The following GSTCD variants were observed in gnomAD, a reference collection of about 807,000 sequenced individuals.
GSTCD encodes glutathione S-transferase C-terminal domain containing.
Under a neutral mutation model 68.3 loss-of-function variants are expected in GSTCD, and 44 were observed. That is an observed-to-expected ratio of 0.64 (90% CI 0.51 to 0.83). The LOEUF (loss-of-function observed/expected upper bound fraction) is 0.83, where lower values mean the gene tolerates loss of function less well. Ranked by LOEUF, GSTCD falls within the 40% of genes least tolerant of loss-of-function variation. The probability of loss-of-function intolerance (pLI) is 0.00; values close to 1 mark genes in which losing one functional copy is unlikely to be tolerated. For synonymous variants in GSTCD, 273 were observed against 255.2 expected (o/e 1.07, Z -0.67); for missense variants, 739 against 735.9 (o/e 1.00, Z -0.05).
intron 5 of GSTCD, among the ~76,000 whole-genome samples, chr4:105,770,804 G>A (rs895550343): frequency 6.6e-6 from 1 of 152,066 alleles, no homozygotes; most frequent in African/African-American, 2.4e-5. Flanking sequence ...CCAAGTCTGT[G>A]GTATTGTGAA....
intron 5 of GSTCD, among the ~76,000 whole-genome samples, chr4:105,794,479 A>G (rs768890430): frequency 2.0e-5 from 3 of 152,032 alleles, no homozygotes; most frequent in Admixed American, 6.5e-5. Flanking sequence ...TGATGCTGAC[A>G]ATGAGAAAGG....
intron 5 of GSTCD, among the ~76,000 whole-genome samples, chr4:105,758,129 G>A (rs1734261853): frequency 6.6e-6 from 1 of 152,128 alleles, no homozygotes; most frequent in Admixed American, 6.5e-5. Flanking sequence ...GATTTTTAAT[G>A]GTTCCATAAT....
intron 5 of GSTCD, among the ~76,000 whole-genome samples, chr4:105,799,278 G>T (rs1736016083): frequency 6.6e-6 from 1 of 152,104 alleles, no homozygotes; most frequent in East Asian, 1.9e-4. Context: ...GAGGCATTTT[G>T]CTTTCTTATC....
intron 9 of GSTCD, 130 bp downstream of exon 9, chr4:105,834,724 T>G (rs1724042550): frequency 8.2e-6 from 6 of 730,598 alleles, no homozygotes; most frequent in Non-Finnish European, 1.3e-5. Flanking sequence ...AAATATTGTT[T>G]GTAAATTGTA....
intron 8 of GSTCD, among the ~76,000 whole-genome samples, chr4:105,834,234 A>AT (rs1250937683): frequency 1.6e-3 from 245 of 152,348 alleles, no homozygotes; most frequent in African/African-American, 5.7e-3. Context: ...CACTTGTGTT[A>AT]ATTTTTCCAC....
chr4:105,737,435 G>A (rs550986283), intron 5 of GSTCD, among the ~76,000 whole-genome samples: 9 of 152,096 alleles, frequency 5.9e-5, no homozygotes, highest in Non-Finnish European at 1.2e-4. Context: ...TGCTGGTTGT[G>A]TCTTCACTTT....
chr4:105,756,601 T>A (rs201565850), intron 5 of GSTCD, among the ~76,000 whole-genome samples: 20 of 136,152 alleles, frequency 1.5e-4, no homozygotes, highest in Non-Finnish European at 2.6e-4. Context: ...TATATATATA[T>A]AATATGTCTT....
At chr4:105,845,361 C>T in intron 11 of GSTCD, 80 bp from the exon 12 acceptor site, 2 of 1,523,116 alleles carry the variant, frequency 1.3e-6, no homozygotes, top group Non-Finnish European at 1.8e-6. Flanking sequence ...GATTTTGTCA[C>T]TATATAGATT....
At chr4:105,789,811 A>G (rs1482237789) in intron 5 of GSTCD, among the ~76,000 whole-genome samples, 1 of 151,938 alleles carries the variant, frequency 6.6e-6, no homozygotes, top group Non-Finnish European at 1.5e-5. Context: ...TGCCTACCAC[A>G]GAGACCCGAA....
At chr4:105,812,149 G>A (rs1006182957) in intron 5 of GSTCD, among the ~76,000 whole-genome samples, 11 of 152,070 alleles carry the variant, frequency 7.2e-5, no homozygotes, top group Admixed American at 3.3e-4. Flanking sequence ...TAAATGTTAC[G>A]CATCCCACCT....
At chr4:105,772,284 T>C (rs554867180) in intron 5 of GSTCD, among the ~76,000 whole-genome samples, 4 of 152,320 alleles carry the variant, frequency 2.6e-5, no homozygotes, top group Admixed American at 6.5e-5. Flanking sequence ...GTTTTCTAAA[T>C]AAACAGTCAT....
chr4:105,710,405 T>C (rs1482235276), intron 1 of GSTCD, among the ~76,000 whole-genome samples: 1 of 149,216 alleles, frequency 6.7e-6, no homozygotes, highest in African/African-American at 2.5e-5. Flanking sequence ...TTTTTTTTTT[T>C]TTCAGTCGAG....
chr4:105,814,606 T>C lies in GSTCD; in HGVS notation c.1241-8348T>C, dbSNP rs546168683. Among the ~76,000 whole-genome samples the C allele has an allele frequency of 3.0e-3, 451 of 151,772 alleles. 2 individuals carry two copies. The highest frequency in any genetic ancestry group is 0.01 in the Middle Eastern group (3 of 292). Reference sequence around the variant, plus strand: ...CAGCCTGGTTGACAGAGACTCTGTCTCAAAAAAAATAAATAAATAAAAATA... The same window carrying C: ...CAGCCTGGTTGACAGAGACTCTGTCCCAAAAAAAATAAATAAATAAAAATA... On this transcript the variant is annotated intron_variant, in intron 5 of 11. Transcript: ENST00000515279.
chr4:105,831,466 G>A (rs1277344118), intron 8 of GSTCD, among the ~76,000 whole-genome samples: 2 of 152,104 alleles, frequency 1.3e-5, no homozygotes, highest in East Asian at 3.8e-4. Context: ...AAAAAAAGAA[G>A]TTTGGTTTGG....
At chr4:105,767,819 T>C (rs2544401) in intron 5 of GSTCD, among the ~76,000 whole-genome samples, 132,657 of 152,082 alleles carry the variant, frequency 0.87, 58,185 homozygotes, top group East Asian at 0.96. Flanking sequence ...TAATAGCTTC[T>C]TTTGTCTTTT....
chr4:105,796,316 G>T (rs955842116), intron 5 of GSTCD, among the ~76,000 whole-genome samples: 1 of 152,152 alleles, frequency 6.6e-6, no homozygotes, highest in Non-Finnish European at 1.5e-5. Context: ...CCATGATTCA[G>T]TTACCTCCCA....
At chr4:105,733,448 T>G (rs1230206024) in intron 5 of GSTCD, among the ~76,000 whole-genome samples, 1 of 152,248 alleles carries the variant, frequency 6.6e-6, no homozygotes, top group African/African-American at 2.4e-5. Flanking sequence ...TGTAATGGCC[T>G]TCTTAGTTCT....
intron 5 of GSTCD, among the ~76,000 whole-genome samples, chr4:105,778,442 A>T (rs1735154879): frequency 6.6e-6 from 1 of 152,110 alleles, no homozygotes; most frequent in Non-Finnish European, 1.5e-5. Flanking sequence ...TACAAAGAAA[A>T]CATTTATTTT....
intron 1 of GSTCD, among the ~76,000 whole-genome samples, chr4:105,714,065 A>G (rs1732614880): frequency 6.6e-6 from 1 of 151,998 alleles, no homozygotes; most frequent in South Asian, 2.1e-4. Flanking sequence ...TATTAAACCT[A>G]TGACTAATTC....
Sources: gnomAD v4.1 joint callset for allele counts (sites outside exome capture counted in the v4.1 genomes callset) on GRCh38, gnomAD v4.1.1 for gene constraint, MANE v1.5 for transcripts, NCBI Gene and HGNC (gene_info 2026-07-23, HGNC 2026-07-21) for gene names.